The following TNKS variants were observed in gnomAD, a reference collection of about 807,000 sequenced individuals.
The protein encoded by TNKS is tankyrase.
In TNKS, 72 loss-of-function variants were observed where a neutral mutation model predicts 135.8. That is an observed-to-expected ratio of 0.53 (90% CI 0.44 to 0.64). The LOEUF (loss-of-function observed/expected upper bound fraction) is 0.64. TNKS is among the 30% of genes least tolerant of loss of function. The pLI is 0.00. For synonymous variants in TNKS, 849 were observed against 649.3 expected (o/e 1.31, Z -4.68); for missense variants, 1,769 against 1,674.0 (o/e 1.06, Z -0.99).
intron 5 of TNKS, among the ~76,000 whole-genome samples, chr8:9,702,023 C>G (rs946406629): frequency 1.3e-5 from 2 of 152,172 alleles, no homozygotes; most frequent in Non-Finnish European, 2.9e-5. Flanking sequence ...TCATAATTCA[C>G]TGGGTGTCAT....
At chr8:9,766,135 C>G (rs570339402) in intron 24 of TNKS, 104 bp from the exon 25 acceptor site, 7 of 931,850 alleles carry the variant, frequency 7.5e-6, no homozygotes, top group African/African-American at 3.3e-5. Flanking sequence ...CATTTATACA[C>G]CATTCATTTC....
chr8:9,560,334 G>C (rs1057480764), intron 1 of TNKS, among the ~76,000 whole-genome samples: 1 of 151,856 alleles, frequency 6.6e-6, no homozygotes, highest in Middle Eastern at 3.4e-3. Flanking sequence ...ATACGACTTG[G>C]ATTATGATAG....
intron 13 of TNKS, among the ~76,000 whole-genome samples, chr8:9,730,534 C>A (rs540820272): frequency 6.6e-6 from 1 of 152,114 alleles, no homozygotes; most frequent in African/African-American, 2.4e-5. Flanking sequence ...CAAGCAGATA[C>A]GCTATGACAA....
chr8:9,692,453 G>C (rs1322921872), intron 5 of TNKS, among the ~76,000 whole-genome samples: 1 of 152,204 alleles, frequency 6.6e-6, no homozygotes, highest in Non-Finnish European at 1.5e-5. Context: ...GTGAATTAAA[G>C]ACATTAATAT....
At chr8:9,605,917 CT>C (rs1357689036) in intron 2 of TNKS, among the ~76,000 whole-genome samples, 1 of 151,864 alleles carries the variant, frequency 6.6e-6, no homozygotes, top group Non-Finnish European at 1.5e-5. Flanking sequence ...TTAATGGTGA[CT>C]TTTGAAGAAC....
chr8:9,565,007 C>T (rs1228405429), intron 1 of TNKS, among the ~76,000 whole-genome samples: 2 of 143,080 alleles, frequency 1.4e-5, no homozygotes, highest in African/African-American at 5.1e-5. Context: ...CCCCGGGGCT[C>T]ATTAAAAAAA....
chr8:9,755,324 A>T (rs540645194), intron 20 of TNKS, among the ~76,000 whole-genome samples: 1 of 152,202 alleles, frequency 6.6e-6, no homozygotes, highest in Non-Finnish European at 1.5e-5. Context: ...CTGCAGTTTC[A>T]TTCTGAGTAA....
intron 2 of TNKS, among the ~76,000 whole-genome samples, chr8:9,588,993 T>G (rs1374643051): frequency 1.3e-5 from 2 of 152,200 alleles, no homozygotes; most frequent in Non-Finnish European, 2.9e-5. Context: ...ATCATGGATA[T>G]TATTGTCATA....
At chr8:9,590,215 T>G (rs757719840) in intron 2 of TNKS, among the ~76,000 whole-genome samples, 16 of 152,174 alleles carry the variant, frequency 1.1e-4, no homozygotes, top group Admixed American at 5.9e-4. Flanking sequence ...ATCATGGACT[T>G]CATCCTCATG....
chr8:9,646,044 A>G (rs933597198), intron 3 of TNKS, among the ~76,000 whole-genome samples: 1 of 152,140 alleles, frequency 6.6e-6, no homozygotes, highest in Admixed American at 6.5e-5. Context: ...GACTAGTAGT[A>G]TATTATATCT....
At chr8:9,726,994 T>A (rs1805196273) in intron 13 of TNKS, among the ~76,000 whole-genome samples, 1 of 152,226 alleles carries the variant, frequency 6.6e-6, no homozygotes. Context: ...TTTAGTAATT[T>A]TTCTTCAGGT....
Position 9,770,130 on chromosome 8 carries a change from C to T in TNKS, c.3765C>T (p.Thr1255=). ...CHRQMLFCRV[T]LGKSFLQFST... ...GACAAATGCTCTTCTGTAGAGTGAC[C>T]CTTGGGAAATCCTTTCTGCAGTTTA... Residue 1255 remains threonine (T), a synonymous_variant, in exon 26 of 27, where the codon ACC becomes ACT. Transcript: ENST00000310430. The T allele has an allele frequency of 6.2e-7, 1 of 1,612,768 alleles. No homozygotes were observed. The highest frequency in any genetic ancestry group is 8.5e-7 in the Non-Finnish European group (1 of 1,179,748).
intron 17 of TNKS, among the ~76,000 whole-genome samples, chr8:9,746,399 T>C (rs1245051011): frequency 6.6e-6 from 1 of 152,210 alleles, no homozygotes; most frequent in Non-Finnish European, 1.5e-5. Flanking sequence ...TTTTGCTATG[T>C]GGAGCTCTTG....
intron 3 of TNKS, 134 bp from the exon 4 acceptor site, chr8:9,679,817 C>G (rs61464520): frequency 1.5e-6 from 1 of 654,674 alleles, no homozygotes; most frequent in Non-Finnish European, 2.6e-6. Context: ...GCTAACGTCA[C>G]GGCTCCATCA....
rs1288126923 is a variant in TNKS, at chr8:9,580,319, G to A, written c.834G>A (p.Arg278=). ...GCCAAGGAGCTGATCCAAATGCCAG[G>A]GATAACTGGAACTATACACCTCTGC... is the stretch of plus-strand genomic sequence containing the variant. ...LLCQGADPNA[R]DNWNYTPLHE... The change falls in exon 2 of 27, where the codon AGG becomes AGA. Residue 278 remains arginine, a synonymous_variant. Transcript: ENST00000310430. 3.7e-6 allele frequency: 6 copies of A among 1,613,970 alleles called. No homozygotes were observed. In the East Asian group the frequency reaches 6.7e-5, roughly 18 times the overall value.
At chr8:9,709,830 A>C in intron 9 of TNKS, 125 bp from the exon 10 acceptor site, 1 of 702,128 alleles carries the variant, frequency 1.4e-6, no homozygotes, top group Non-Finnish European at 2.4e-6. Flanking sequence ...GATATAAAAC[A>C]TATACATATG....
intron 3 of TNKS, among the ~76,000 whole-genome samples, chr8:9,667,305 A>G (rs987082170): frequency 3.3e-5 from 5 of 152,226 alleles, no homozygotes; most frequent in African/African-American, 9.6e-5. Flanking sequence ...AGTAGCTGCA[A>G]TCTCAGAACT....
intron 3 of TNKS, among the ~76,000 whole-genome samples, chr8:9,677,799 G>A (rs778527109): frequency 6.6e-6 from 1 of 151,910 alleles, no homozygotes; most frequent in South Asian, 2.1e-4. Flanking sequence ...TCTCTGTCTC[G>A]TCCATACCCA....
At position 9,776,914 on chromosome 8, in the gene TNKS, C is replaced by T; in HGVS notation, c.*178C>T. On this transcript the variant is annotated 3_prime_UTR_variant, in exon 27 of 27. Coordinates refer to ENST00000310430, the MANE Select transcript of TNKS (RefSeq NM_003747.3). ...GTATGAGTAACTGATACATACTCAACTGCTACTGTTCCCTTTGAGGAAATG... is the reference window on the plus strand; with the variant it reads ...GTATGAGTAACTGATACATACTCAATTGCTACTGTTCCCTTTGAGGAAATG... The T allele has an allele frequency of 1.7e-6, 1 of 580,908 alleles. No homozygotes were observed. The highest frequency in any genetic ancestry group is 1.9e-5 in the African/African-American group (1 of 53,820). The allele number at this position is 580,908 out of a possible 1,614,324, so 36.0% of individuals were successfully genotyped here.
Sources: allele counts gnomAD v4.1 joint callset (sites outside exome capture counted in the v4.1 genomes callset), GRCh38; gene constraint gnomAD v4.1.1; transcripts MANE v1.5; gene names NCBI Gene and HGNC (gene_info 2026-07-23, HGNC 2026-07-21).